Variants in SEMA5A observed in about 807,000 individuals in gnomAD.
SEMA5A encodes semaphorin 5A.
A neutral mutation model predicts 135.5 loss-of-function variants in SEMA5A; 55 were observed. The ratio of observed to expected loss-of-function variants is 0.41; its 90% CI spans 0.33 to 0.51. SEMA5A has a LOEUF of 0.51. Among genes scored for constraint, SEMA5A ranks in the 20% least tolerant of loss-of-function variants. SEMA5A has a pLI of 0.37. For synonymous variants in SEMA5A, 580 were observed against 546.5 expected, an observed-to-expected ratio of 1.06 and a Z score of -0.85; for missense variants, 1,290 against 1,419.9, an observed-to-expected ratio of 0.91 and a Z score of 1.47.
intron 8 of SEMA5A, among the ~76,000 whole-genome samples, chr5:9,221,504 G>A (rs564355688): frequency 3.0e-4 from 45 of 150,208 alleles, no homozygotes; most frequent in Non-Finnish European, 5.1e-4. Context: ...GGGTTTCACA[G>A]TGTTAGCCAG....
At chr5:9,257,869 T>C (rs888537487) in intron 5 of SEMA5A, among the ~76,000 whole-genome samples, 10 of 152,074 alleles carry the variant, frequency 6.6e-5, no homozygotes, top group African/African-American at 2.4e-4. Context: ...AGTCAGCCCC[T>C]AGACAGCTCT....
At chr5:9,333,230 C>T (rs1044033580) in intron 4 of SEMA5A, among the ~76,000 whole-genome samples, 1 of 152,144 alleles carries the variant, frequency 6.6e-6, no homozygotes, top group African/African-American at 2.4e-5. Context: ...AGAGTGACTC[C>T]ACATCTTCCC....
intron 5 of SEMA5A, among the ~76,000 whole-genome samples, chr5:9,295,765 T>A (rs142552547): frequency 5.1e-4 from 77 of 152,300 alleles, no homozygotes; most frequent in African/African-American, 1.8e-3. Context: ...GCTGAGCTCT[T>A]ACCATAAAGC....
At chr5:9,195,157 G>T (rs551453470) in intron 10 of SEMA5A, among the ~76,000 whole-genome samples, 1 of 152,122 alleles carries the variant, frequency 6.6e-6, no homozygotes, top group Non-Finnish European at 1.5e-5. Flanking sequence ...TATGTAGAAG[G>T]CACCAAATAA....
At chr5:9,514,685 A>C (rs1378013242) in intron 1 of SEMA5A, among the ~76,000 whole-genome samples, 4 of 152,246 alleles carry the variant, frequency 2.6e-5, no homozygotes, top group African/African-American at 9.6e-5. Flanking sequence ...GTACATGTTC[A>C]GTACAGATAG....
chr5:9,241,565 CAA>C (rs3061561), intron 5 of SEMA5A, among the ~76,000 whole-genome samples: 42,817 of 111,494 alleles, frequency 0.38, 6,006 homozygotes, highest in Middle Eastern at 0.46. Flanking sequence ...AAGAGAGCTA[CAA>C]AAAAAAAAAA....
intron 13 of SEMA5A, among the ~76,000 whole-genome samples, chr5:9,130,880 G>A (rs1387051770): frequency 1.3e-5 from 2 of 152,068 alleles, no homozygotes; most frequent in Non-Finnish European, 2.9e-5. Context: ...TTAAATCCTG[G>A]TTTCTTTCCC....
At chr5:9,258,690 G>C (rs182669368) in intron 5 of SEMA5A, among the ~76,000 whole-genome samples, 1 of 151,192 alleles carries the variant, frequency 6.6e-6, no homozygotes, top group East Asian at 2.0e-4. Context: ...GTCTTGGTGA[G>C]TATTAAGGAG....
Position 9,075,273 on chromosome 5 carries a change from T to G in SEMA5A, c.2074-8627A>C, listed in dbSNP as rs181330872. 2.5e-3 allele frequency among the ~76,000 whole-genome samples: 384 copies of G among 152,320 alleles called. 1 individual carries two copies. Among genetic ancestry groups the G allele is most frequent in the Non-Finnish European group, 4.2e-3 (285 of 68,032 alleles). On this transcript the variant is annotated intron_variant, in intron 16 of 22. Coordinates refer to ENST00000382496, the MANE Select transcript of SEMA5A (RefSeq NM_003966.3). ...ATTTGAAAACTGTTTGATACTTTCC[T>G]AAGAAGTCAAACGTATACATATCAC... is the stretch of plus-strand genomic sequence containing the variant.
At chr5:9,326,562 CTGAGG>C (rs928129142) in intron 4 of SEMA5A, among the ~76,000 whole-genome samples, 3 of 151,780 alleles carry the variant, frequency 2.0e-5, no homozygotes, top group African/African-American at 7.2e-5. Context: ...GACAGATCAC[CTGAGG>C]TCAGTAGTTC....
Position 9,379,923 on chromosome 5 carries a change from T to C in SEMA5A, c.24A>G (p.Ala8=), listed in dbSNP as rs1164369497. Residue 8 remains alanine, a synonymous_variant, in exon 3 of 23, where the codon GCA becomes GCG. Coordinates refer to ENST00000382496, the MANE Select transcript of SEMA5A (RefSeq NM_003966.3). Reference sequence around the variant, plus strand: ...ACAGCCCCAGGCTTGAGAACAGCCATGCTATAACACAGGTTCCCTTCATGG... The same window carrying C: ...ACAGCCCCAGGCTTGAGAACAGCCACGCTATAACACAGGTTCCCTTCATGG... MKGTCVI[A]WLFSSLGLWR... is the part of the protein sequence containing the mutation. The C allele has an allele frequency of 6.2e-7, 1 of 1,613,664 alleles. No homozygotes were observed. The highest frequency in any genetic ancestry group is 8.5e-7 in the Non-Finnish European group (1 of 1,179,848).
At chr5:9,168,796 T>G (rs10475456) in intron 11 of SEMA5A, among the ~76,000 whole-genome samples, 50 of 152,296 alleles carry the variant, frequency 3.3e-4, no homozygotes, top group African/African-American at 1.2e-3. Flanking sequence ...AATATTTGAC[T>G]CAAATGCCCC....
At chr5:9,508,448 A>C (rs908663052) in intron 1 of SEMA5A, among the ~76,000 whole-genome samples, 3 of 152,134 alleles carry the variant, frequency 2.0e-5, no homozygotes, top group Non-Finnish European at 4.4e-5. Flanking sequence ...TCCATTCTCC[A>C]CGTTGCAGAA....
intron 1 of SEMA5A, among the ~76,000 whole-genome samples, chr5:9,526,555 A>AT (rs1037263388): frequency 3.9e-5 from 6 of 152,282 alleles, no homozygotes; most frequent in African/African-American, 1.4e-4. Flanking sequence ...GTTGCTCCCA[A>AT]TTTTTTAAAG....
At chr5:9,058,127 C>T (rs930993225) in intron 18 of SEMA5A, among the ~76,000 whole-genome samples, 7 of 152,068 alleles carry the variant, frequency 4.6e-5, no homozygotes, top group African/African-American at 1.4e-4. Flanking sequence ...AGATTTTTTT[C>T]CCCTGCTATG....
rs141676071 is a variant in SEMA5A at position 9,054,249 on chromosome 5, C to T, written c.2527G>A (p.Val843Met). 1.1e-5 allele frequency: 18 copies of T among 1,612,382 alleles called. No individual in the cohort carries two copies. Among genetic ancestry groups the T allele is most frequent in the African/African-American group, 8.0e-5 (6 of 74,870 alleles). Residue 843 changes from valine to methionine, a missense_variant, in exon 19 of 23, where the codon GTG becomes ATG. Physicochemically the swap from Val to Met is conservative, Grantham distance 21 (BLOSUM62 1). This residue lies in a region of SEMA5A where 1,029 missense variants were observed against 1,086.6 expected (regional missense o/e 0.95). Coordinates refer to ENST00000382496, the MANE Select transcript of SEMA5A (RefSeq NM_003966.3). ...GTCCAGGGGGACCAGCAAGACCACA[C>T]GCCATCCACTGTGAAGAAACACAAT... ...CNILPCPVDG[V>M]WSCWSPWTKC...
chr5:9,517,438 G>C (rs1736591549), intron 1 of SEMA5A: 1 of 152,172 alleles, frequency 6.6e-6, no homozygotes, highest in Non-Finnish European at 1.5e-5. Flanking sequence ...CAGACTCTCA[G>C]GTTCCACCTC....
intron 18 of SEMA5A, among the ~76,000 whole-genome samples, chr5:9,061,049 T>A (rs1346646927): frequency 6.6e-6 from 1 of 151,858 alleles, no homozygotes; most frequent in East Asian, 2.0e-4. Context: ...CTGCTTGCTG[T>A]GGCTGCCATG....
intron 11 of SEMA5A, among the ~76,000 whole-genome samples, chr5:9,159,679 T>G (rs1253444411): frequency 6.6e-6 from 1 of 152,204 alleles, no homozygotes; most frequent in Non-Finnish European, 1.5e-5. Context: ...AAATACCATT[T>G]GACCCAGCAA....
Sources: allele counts gnomAD v4.1 joint callset (sites outside exome capture counted in the v4.1 genomes callset), GRCh38; gene constraint gnomAD v4.1.1; regional missense constraint gnomAD v4.1.1; transcripts MANE v1.5; gene names NCBI Gene and HGNC (gene_info 2026-07-23, HGNC 2026-07-21).